CORIN: variants seen among roughly 807,000 people sequenced by gnomAD.
CORIN encodes corin, serine peptidase.
Under a neutral mutation model 125.3 loss-of-function variants are expected in CORIN, and 117 were observed. That is an observed-to-expected ratio of 0.93 (90% CI 0.80 to 1.09). The LOEUF is 1.09. Ranked by LOEUF, CORIN falls within the 50% of genes least tolerant of loss-of-function variation. The pLI is 0.00. For synonymous variants in CORIN, 450 were observed against 466.4 expected, an observed-to-expected ratio of 0.96 and a Z score of 0.45; for missense variants, 1,253 against 1,306.7, an observed-to-expected ratio of 0.96 and a Z score of 0.63.
chr4:47,785,909 C>CAAAAAAAA (rs11313881), intron 3 of CORIN, among the ~76,000 whole-genome samples: 5 of 80,500 alleles, frequency 6.2e-5, no homozygotes, highest in Non-Finnish European at 9.4e-5. Context: ...GACTCCATCT[C>CAAAAAAAA]AAAAAAAAAA....
chr4:47,618,103 G>T (rs914781949), intron 19 of CORIN, among the ~76,000 whole-genome samples: 1 of 152,060 alleles, frequency 6.6e-6, no homozygotes, highest in Non-Finnish European at 1.5e-5. Context: ...GGGAGGCCGA[G>T]GTGGGTGGAT....
chr4:47,785,160 T>C (rs1730730097), intron 3 of CORIN, among the ~76,000 whole-genome samples: 1 of 152,192 alleles, frequency 6.6e-6, no homozygotes, highest in Non-Finnish European at 1.5e-5. Context: ...CACATAACCT[T>C]GTTTTAGAAA....
chr4:47,758,967 T>C (rs895626303), intron 4 of CORIN, among the ~76,000 whole-genome samples: 6 of 152,156 alleles, frequency 3.9e-5, no homozygotes, highest in African/African-American at 1.4e-4. Context: ...TAATAACACA[T>C]AGTAACTGAA....
At chr4:47,747,510 T>C (rs1388703592) in intron 4 of CORIN, among the ~76,000 whole-genome samples, 11 of 152,244 alleles carry the variant, frequency 7.2e-5, no homozygotes, top group East Asian at 1.9e-4. Context: ...TATTTTATTT[T>C]ATTTCATTTC....
intron 5 of CORIN, chr4:47,706,907 A>G: frequency 1.9e-6 from 3 of 1,599,740 alleles, no homozygotes; most frequent in Non-Finnish European, 2.5e-6. Context: ...AAAGGGCCAT[A>G]AGTTCCACCA....
chr4:47,603,445 G>T lies in CORIN; in HGVS notation c.2764C>A (p.Pro922Thr). The change falls in exon 20 of 22, where the codon CCT becomes ACT. Residue 922 changes from proline (P) to threonine (T), a missense_variant. Transcript: ENST00000273857. ...CCTGTGATATAGCAGTACGTGTCAG[G>T]CTCTAGCCACTGCTCCGGGTTGGGC... ...CLPNPEQWLE[P>T]DTYCYITGWG... 6.2e-7 allele frequency: 1 copy of T among 1,614,158 alleles called. No homozygotes were observed. The highest frequency in any genetic ancestry group is 8.5e-7 in the Non-Finnish European group (1 of 1,180,040).
At chr4:47,793,310 C>A (rs757758474) in intron 2 of CORIN, among the ~76,000 whole-genome samples, 1 of 151,974 alleles carries the variant, frequency 6.6e-6, no homozygotes, top group Non-Finnish European at 1.5e-5. Flanking sequence ...ATTCGTTGAA[C>A]GTATGAATGA....
chr4:47,748,087 A>G (rs1728737244), intron 4 of CORIN, among the ~76,000 whole-genome samples: 1 of 152,180 alleles, frequency 6.6e-6, no homozygotes, highest in Admixed American at 6.5e-5. Flanking sequence ...ACCAACTGAG[A>G]CCCATAAGCT....
chr4:47,825,337 G>A (rs1011626623), intron 1 of CORIN, among the ~76,000 whole-genome samples: 21 of 152,100 alleles, frequency 1.4e-4, no homozygotes, highest in African/African-American at 4.3e-4. Context: ...GTATTCTGCC[G>A]GGCTTTCCCA....
rs750380242 is a variant in CORIN, at chr4:47,678,031, C to G, written c.1156G>C (p.Glu386Gln). 6.2e-6 allele frequency: 10 copies of G among 1,613,774 alleles called. No individual in the cohort carries two copies. The highest frequency in any genetic ancestry group is 8.5e-6 in the Non-Finnish European group (10 of 1,179,772). The stretch of plus-strand genomic sequence containing the variant: ...GGGATACATTGTCCATTTCTGCATT[C>G]CACCAGACCCTGGCTGTGACAGGCT... ...NCSCHSQGLV[E>Q]CRNGQCIPST... Residue 386 changes from glutamate to glutamine, a missense_variant, in exon 9 of 22, where the codon GAA becomes CAA. Transcript: ENST00000273857.
chr4:47,747,047 G>A (rs950284395), intron 4 of CORIN, among the ~76,000 whole-genome samples: 12 of 152,044 alleles, frequency 7.9e-5, no homozygotes, highest in Middle Eastern at 3.2e-3. Context: ...GCTTGTCGTT[G>A]GTGTTCCTCC....
At chr4:47,725,978 G>A (rs977525475) in intron 5 of CORIN, among the ~76,000 whole-genome samples, 2 of 152,016 alleles carry the variant, frequency 1.3e-5, no homozygotes, top group Admixed American at 6.5e-5. Context: ...TCATAAAGGT[G>A]ATATTCCGAT....
chr4:47,650,739 A>G (rs1400147247), intron 13 of CORIN, among the ~76,000 whole-genome samples: 1 of 152,204 alleles, frequency 6.6e-6, no homozygotes, highest in Non-Finnish European at 1.5e-5. Context: ...TATATCATGT[A>G]TGCTCAATTA....
At chr4:47,759,849 C>A (rs1033599052) in intron 4 of CORIN, among the ~76,000 whole-genome samples, 1 of 152,222 alleles carries the variant, frequency 6.6e-6, no homozygotes, top group Non-Finnish European at 1.5e-5. Flanking sequence ...TCAGTCACAT[C>A]TTTAGGCTCC....
At chr4:47,831,145 A>G (rs1577960149) in intron 1 of CORIN, among the ~76,000 whole-genome samples, 1 of 152,356 alleles carries the variant, frequency 6.6e-6, no homozygotes, top group Non-Finnish European at 1.5e-5. Flanking sequence ...GATCACCTAC[A>G]GGACAACCTT....
At chr4:47,747,349 C>A (rs1728706708) in intron 4 of CORIN, among the ~76,000 whole-genome samples, 1 of 151,982 alleles carries the variant, frequency 6.6e-6, no homozygotes, top group East Asian at 1.9e-4. Flanking sequence ...GAATCTCTAA[C>A]TGATGAAATT....
chr4:47,671,170 G>A (rs892573044), intron 10 of CORIN, among the ~76,000 whole-genome samples: 5 of 152,152 alleles, frequency 3.3e-5, no homozygotes, highest in Admixed American at 3.3e-4. Flanking sequence ...ACTGATGACT[G>A]GGTCCCACCC....
intron 5 of CORIN, among the ~76,000 whole-genome samples, chr4:47,708,330 G>A (rs954953135): frequency 6.6e-6 from 1 of 152,212 alleles, no homozygotes; most frequent in African/African-American, 2.4e-5. Flanking sequence ...TTCAAAGCCA[G>A]TAACATGGCA....
intron 1 of CORIN, among the ~76,000 whole-genome samples, chr4:47,822,669 T>C (rs1018876434): frequency 6.6e-6 from 1 of 152,192 alleles, no homozygotes; most frequent in African/African-American, 2.4e-5. Context: ...ATTTTTCTCA[T>C]TGAATCCTAT....
Sources: allele counts gnomAD v4.1 joint callset (sites outside exome capture counted in the v4.1 genomes callset), GRCh38; gene constraint gnomAD v4.1.1; transcripts MANE v1.5; gene names NCBI Gene and HGNC (gene_info 2026-07-23, HGNC 2026-07-21).